ENTREP2: variants seen among roughly 807,000 people sequenced by gnomAD.
ENTREP2 encodes endosomal transmembrane epsin interactor 2.
At chr15:29,294,362 G>A in the ENTREP2 span, among the ~76,000 whole-genome samples, 75,914 of 152,192 alleles carry the variant, frequency 0.5, 22,310 homozygotes, top group Non-Finnish European at 0.67. Context: ...CTAACAGAGG[G>A]AGATGGTGAC....
chr15:29,459,001 G>A, the ENTREP2 span, among the ~76,000 whole-genome samples: 1 of 152,182 alleles, frequency 6.6e-6, no homozygotes, highest in Non-Finnish European at 1.5e-5. Flanking sequence ...AGAGCAAGAG[G>A]AACAGACCCA....
At chr15:29,535,209 C>T in the ENTREP2 span, among the ~76,000 whole-genome samples, 2 of 151,962 alleles carry the variant, frequency 1.3e-5, no homozygotes, top group African/African-American at 4.8e-5. Flanking sequence ...ATGACTGTGC[C>T]GTTTGCACTC....
At chr15:29,581,849 G>A in the ENTREP2 span, among the ~76,000 whole-genome samples, 1 of 151,820 alleles carries the variant, frequency 6.6e-6, no homozygotes, top group Non-Finnish European at 1.5e-5. Flanking sequence ...CAGAGATAGA[G>A]TAATCAATAT....
chr15:29,402,322 A>G, the ENTREP2 span, among the ~76,000 whole-genome samples: 28,130 of 141,374 alleles, frequency 0.2, 3,295 homozygotes, highest in Middle Eastern at 0.37. Flanking sequence ...GTGTGTGTAT[A>G]TATGTATATT....
At chr15:29,427,282 G>A in the ENTREP2 span, among the ~76,000 whole-genome samples, 4 of 152,170 alleles carry the variant, frequency 2.6e-5, no homozygotes, top group East Asian at 3.9e-4. Context: ...CTGTTCATAC[G>A]AATCATGGAG....
At chr15:29,350,644 T>G in the ENTREP2 span, among the ~76,000 whole-genome samples, 2 of 152,142 alleles carry the variant, frequency 1.3e-5, no homozygotes, top group Non-Finnish European at 2.9e-5. Flanking sequence ...CAATAATTAT[T>G]AATATTTCAT....
the ENTREP2 span, among the ~76,000 whole-genome samples, chr15:29,312,093 C>T: frequency 2.0e-5 from 3 of 152,162 alleles, no homozygotes; most frequent in African/African-American, 4.8e-5. Context: ...ACATACCTAA[C>T]CTCAAAAGCC....
chr15:29,403,847 T>C, the ENTREP2 span, among the ~76,000 whole-genome samples: 4 of 152,158 alleles, frequency 2.6e-5, no homozygotes, highest in South Asian at 8.3e-4. Flanking sequence ...GGGAGCCTGG[T>C]TGCACCCCCA....
chr15:29,232,706 G>A, the ENTREP2 span, among the ~76,000 whole-genome samples: 29 of 151,972 alleles, frequency 1.9e-4, no homozygotes, highest in African/African-American at 6.5e-4. Context: ...ACAGGGTCTC[G>A]CTATATTGAC....
the ENTREP2 span, among the ~76,000 whole-genome samples, chr15:29,210,156 G>A: frequency 3.3e-5 from 5 of 152,000 alleles, no homozygotes; most frequent in Admixed American, 6.6e-5. Flanking sequence ...CCCACACCTC[G>A]AACTACACCC....
chr15:29,570,612 T>G, the ENTREP2 span: 1 of 1,448,818 alleles, frequency 6.9e-7, no homozygotes, highest in Non-Finnish European at 9.1e-7. Context: ...GCCATCTGCG[T>G]GGCCCCGAGC....
chr15:29,402,939 C>T, the ENTREP2 span, among the ~76,000 whole-genome samples: 1 of 152,156 alleles, frequency 6.6e-6, no homozygotes, highest in African/African-American at 2.4e-5. Flanking sequence ...TCTAATGTTC[C>T]CATCAGCAGG....
the ENTREP2 span, among the ~76,000 whole-genome samples, chr15:29,443,694 A>G: frequency 6.6e-6 from 1 of 152,050 alleles, no homozygotes; most frequent in Admixed American, 6.6e-5. Flanking sequence ...GCTTTTCTCC[A>G]AAGAGGGGTC....
the ENTREP2 span, among the ~76,000 whole-genome samples, chr15:29,652,427 G>C: frequency 6.6e-6 from 1 of 152,222 alleles, no homozygotes; most frequent in Non-Finnish European, 1.5e-5. Flanking sequence ...TGCAGGGTAA[G>C]AACTCAAGGT....
chr15:29,434,820 G>A, the ENTREP2 span, among the ~76,000 whole-genome samples: 2 of 152,112 alleles, frequency 1.3e-5, no homozygotes, highest in East Asian at 1.9e-4. Context: ...GGTGAAAAAA[G>A]TCTTGTGTTA....
At chr15:29,670,633 C>T in the ENTREP2 span, among the ~76,000 whole-genome samples, 3 of 152,094 alleles carry the variant, frequency 2.0e-5, no homozygotes, top group African/African-American at 4.8e-5. Flanking sequence ...TTATGCCACC[C>T]GGGAACTCTC....
At chr15:29,249,544 AT>A in the ENTREP2 span, among the ~76,000 whole-genome samples, 3 of 152,158 alleles carry the variant, frequency 2.0e-5, no homozygotes, top group African/African-American at 7.2e-5. Flanking sequence ...TAAATGTATA[AT>A]TTTTATATAT....
the ENTREP2 span, among the ~76,000 whole-genome samples, chr15:29,370,440 T>C: frequency 6.6e-6 from 1 of 152,162 alleles, no homozygotes; most frequent in African/African-American, 2.4e-5. Flanking sequence ...TAGACATATT[T>C]GTACATAACA....
At chr15:29,179,458 G>C in the ENTREP2 span, among the ~76,000 whole-genome samples, 6 of 152,254 alleles carry the variant, frequency 3.9e-5, no homozygotes, top group African/African-American at 1.4e-4. Flanking sequence ...CATTCTCTGA[G>C]TGGGATGGCT....
Sources: gnomAD v4.1 joint callset for allele counts (sites outside exome capture counted in the v4.1 genomes callset) on GRCh38, gnomAD v4.1.1 for gene constraint, MANE v1.5 for transcripts, NCBI Gene and HGNC (gene_info 2026-07-23, HGNC 2026-07-21) for gene names.